The following MFSD11 variants were observed in gnomAD, a reference collection of about 807,000 sequenced individuals.
The protein encoded by MFSD11 is UNC93-like protein MFSD11.
A neutral mutation model predicts 53.5 loss-of-function variants in MFSD11; 36 were observed. The observed-to-expected ratio is 0.67, with a 90% confidence interval of 0.52 to 0.89. MFSD11 has a LOEUF of 0.89. MFSD11 is among the 40% of genes least tolerant of loss of function. The probability of loss-of-function intolerance (pLI) is 0.00; values close to 1 mark genes in which losing one functional copy is unlikely to be tolerated. For synonymous variants in MFSD11, 186 were observed against 184.9 expected (o/e 1.01, Z -0.05); for missense variants, 530 against 543.9 (o/e 0.97, Z 0.25).
downstream of MFSD11, among the ~76,000 whole-genome samples, chr17:76,784,000 T>TG (rs1283482306): frequency 6.6e-6 from 1 of 151,222 alleles, no homozygotes; most frequent in Non-Finnish European, 1.5e-5. Context: ...GGCAAGGATG[T>TG]GGAGAAATTG....
In MFSD11 at chr17:76,759,600, A is replaced by G. The variant is rs554647158; in HGVS notation, c.682+5513A>G. Among the ~76,000 whole-genome samples the G allele has an allele frequency of 2.6e-3, 397 of 151,984 alleles. 2 individuals carry two copies. Among genetic ancestry groups the G allele is most frequent in the Non-Finnish European group, 4.9e-3 (336 of 67,974 alleles). ...CTCCTGAGTAGCAGGGACTGCAGGT[A>G]TGTAACACCATGCCTGGCTAATGTT... is the stretch of plus-strand genomic sequence containing the variant. On this transcript the variant is annotated intron_variant, in intron 8 of 12. Coordinates refer to ENST00000685175, the MANE Select transcript of MFSD11 (RefSeq NM_001242532.5).
the MFSD11 span, among the ~76,000 whole-genome samples, chr17:76,803,089 G>C: frequency 6.6e-6 from 1 of 152,182 alleles, no homozygotes; most frequent in Non-Finnish European, 1.5e-5. Context: ...CCGGGAGGCA[G>C]AGGTTGCAAG....
rs568374998 is a variant in MFSD11, at chr17:76,776,175, T to C, written c.1050-231T>C. 1.3e-5 allele frequency among the ~76,000 whole-genome samples: 2 copies of C among 152,222 alleles called. No homozygotes were observed. Among genetic ancestry groups the C allele is most frequent in the East Asian group, 3.9e-4 (2 of 5,164 alleles). On this transcript the variant is annotated intron_variant, in intron 11 of 12. Transcript: ENST00000685175. The surrounding 1 kb of genome is among the most constrained non-coding windows in gnomAD (Gnocchi z 4.2). ...TATATTTTTAGTAGAGATGGGGTTTTGCCATGTTGGCCAGGCTGGTCTCAA... is the reference window on the plus strand; with the variant it reads ...TATATTTTTAGTAGAGATGGGGTTTCGCCATGTTGGCCAGGCTGGTCTCAA...
chr17:76,748,742 A>G (rs527701243), intron 7 of MFSD11, among the ~76,000 whole-genome samples: 1 of 150,954 alleles, frequency 6.6e-6, no homozygotes, highest in Non-Finnish European at 1.5e-5. Flanking sequence ...CTGAGGACTT[A>G]TTAGCTGGGT....
intron 1 of MFSD11, 97 bp from the exon 2 acceptor site, chr17:76,738,841 T>C: frequency 1.1e-6 from 1 of 935,588 alleles, no homozygotes; most frequent in Non-Finnish European, 1.7e-6. Context: ...TATGAACTTT[T>C]ACTTTATTCT....
At chr17:76,788,917 G>T in the MFSD11 span, among the ~76,000 whole-genome samples, 4 of 148,490 alleles carry the variant, frequency 2.7e-5, 1 homozygote, top group African/African-American at 9.9e-5. Flanking sequence ...TGAGGCGGGC[G>T]CATCACCTGA....
Position 76,776,287 on chromosome 17 carries a change from T to G in MFSD11, c.1050-119T>G. 1.8e-6 allele frequency: 2 copies of G among 1,090,300 alleles called. No homozygotes were observed. Among genetic ancestry groups the G allele is most frequent in the South Asian group, 3.2e-5 (2 of 62,460 alleles). The allele number at this position is 1,090,300 out of a possible 1,614,324, so 67.5% of individuals were successfully genotyped here. ...AGCCACCGCACCAGCTTTGTCTTTA[T>G]TTTTGTTTCATAGTGTTTACAACTT... On this transcript the variant is annotated intron_variant, in intron 11 of 12. Transcript: ENST00000685175. This position sits in a 1 kb window ranked among gnomAD's most constrained non-coding sequence, Gnocchi z 4.2.
At chr17:76,771,026 G>C (rs964183189) in intron 10 of MFSD11, among the ~76,000 whole-genome samples, 5 of 152,200 alleles carry the variant, frequency 3.3e-5, no homozygotes, top group African/African-American at 1.2e-4. Context: ...ACAACATAAG[G>C]AGACCCTGTC....
the MFSD11 span, among the ~76,000 whole-genome samples, chr17:76,803,028 G>C: frequency 8.3e-4 from 127 of 152,234 alleles, no homozygotes; most frequent in South Asian, 0.013. Context: ...GTGGTGGCAG[G>C]CACCTGTAGT....
At chr17:76,739,260 T>C (rs9897202) in intron 2 of MFSD11, among the ~76,000 whole-genome samples, 8,591 of 151,042 alleles carry the variant, frequency 0.057, 733 homozygotes, top group African/African-American at 0.19. Context: ...AATTTCCTAG[T>C]TCAGACAATG....
chr17:76,770,422 A>G (rs1030724449), intron 10 of MFSD11, among the ~76,000 whole-genome samples: 5 of 152,290 alleles, frequency 3.3e-5, no homozygotes, highest in Admixed American at 6.5e-5. Flanking sequence ...AAAACATACA[A>G]TGTCTCCCGA....
Position 76,769,743 on chromosome 17 carries a change from A to C in MFSD11, c.749-3A>C. 1 of 1,582,642 alleles carries C rather than the reference A, an allele frequency of 6.3e-7. No homozygotes were observed. The highest frequency in any genetic ancestry group is 8.6e-7 in the Non-Finnish European group (1 of 1,168,848). On this transcript the variant is annotated splice_polypyrimidine_tract_variant and splice_region_variant and intron_variant, in intron 9 of 12. Transcript: ENST00000685175. ...GACATCTGTTTTTTTTCTTTAACTA[A>C]AGGTCTGGAATTAACTTTCTTCTCT...
At position 76,778,835 on chromosome 17, in the gene MFSD11, A is replaced by G. The variant is rs1255377677; in HGVS notation, c.*483A>G. 1 of 157,770 alleles carries G rather than the reference A, an allele frequency of 6.3e-6. No individual in the cohort carries two copies. Among genetic ancestry groups the G allele is most frequent in the African/African-American group, 2.4e-5 (1 of 41,474 alleles). The allele number at this position is 157,770 out of a possible 1,614,324, so 9.8% of individuals were successfully genotyped here. A position where few individuals can be genotyped will look rare whatever the true frequency, so the allele number is the denominator to read the frequency against. On this transcript the variant is annotated 3_prime_UTR_variant, in exon 13 of 13. Transcript: ENST00000685175. Reference sequence around the variant, plus strand: ...AAGCTGGGTGTGGTGTTGCACCGCTATACTCCCAGCTGTTGGGGAGGCTGA... The same window carrying G: ...AAGCTGGGTGTGGTGTTGCACCGCTGTACTCCCAGCTGTTGGGGAGGCTGA...
the MFSD11 span, among the ~76,000 whole-genome samples, chr17:76,793,194 G>A: frequency 6.6e-6 from 1 of 151,264 alleles, no homozygotes; most frequent in Non-Finnish European, 1.5e-5. Flanking sequence ...TTATTAGGCG[G>A]GAATTTCCTC....
At chr17:76,746,036 A>G (rs1287640060) in intron 7 of MFSD11, among the ~76,000 whole-genome samples, 1 of 152,166 alleles carries the variant, frequency 6.6e-6, no homozygotes, top group East Asian at 1.9e-4. Flanking sequence ...GCTGAAAGCT[A>G]TGCCTCTTGT....
chr17:76,759,775 T>G (rs2080022386), intron 8 of MFSD11, among the ~76,000 whole-genome samples: 1 of 134,308 alleles, frequency 7.4e-6, no homozygotes, highest in African/African-American at 2.8e-5. Flanking sequence ...TTTTTTTTTT[T>G]TTTTTTTTTT....
At chr17:76,782,474 C>CTT (rs33999736), downstream of MFSD11, among the ~76,000 whole-genome samples, 2,603 of 76,162 alleles carry the variant, frequency 0.034, 178 homozygotes, top group Non-Finnish European at 0.039. Flanking sequence ...CGCGCCCAGG[C>CTT]TTTTTTTTTT....
At chr17:76,746,913 A>G (rs1450780307) in intron 7 of MFSD11, among the ~76,000 whole-genome samples, 3 of 141,842 alleles carry the variant, frequency 2.1e-5, no homozygotes, top group Admixed American at 7.0e-5. Context: ...AGTAATTTCC[A>G]TTTTTTTTTT....
chr17:76,767,331 GTTTGT>G, intron 8 of MFSD11, 50 bp from the exon 9 acceptor site: 2 of 1,095,996 alleles, frequency 1.8e-6, no homozygotes, highest in Non-Finnish European at 2.8e-6. Context: ...GTTTTAGAAT[GTTTGT>G]TTTATTAACT....
Sources: gnomAD v4.1 joint callset for allele counts (sites outside exome capture counted in the v4.1 genomes callset) on GRCh38, gnomAD v4.1.1 for gene constraint, Gnocchi (gnomAD v3.1) non-coding constraint, MANE v1.5 for transcripts, NCBI Gene and HGNC (gene_info 2026-07-23, HGNC 2026-07-21) for gene names.